Variants in MUC12 observed in about 807,000 individuals in gnomAD.
MUC12 encodes the protein mucin-12.
In MUC12, 172 loss-of-function variants were observed where a neutral mutation model predicts 230.8. That is an observed-to-expected ratio of 0.75 (90% CI 0.66 to 0.85). The LOEUF is 0.85. Among genes scored for constraint, MUC12 ranks in the 40% least tolerant of loss-of-function variants. The probability of loss-of-function intolerance (pLI) is 0.00; values close to 1 mark genes in which losing one functional copy is unlikely to be tolerated. For missense variants in MUC12, 3,506 were observed against 5,920.6 expected (o/e 0.59, Z 13.38); for synonymous variants, 1,259 against 2,401.9 (o/e 0.52, Z 13.91).
chr7:100,992,914 C>G lies in MUC12; in HGVS notation c.2351C>G (p.Ala784Gly), dbSNP rs1291818674. 2 of 1,537,568 alleles carry G rather than the reference C, an allele frequency of 1.3e-6. No individual in the cohort carries two copies. The highest frequency in any genetic ancestry group is 3.9e-5 in the Admixed American group (2 of 50,952). Reference protein sequence around the residue: ...QDATGTIVLPARSTTSVLLGE... With the variant: ...QDATGTIVLPGRSTTSVLLGE... ...GCAACGGGAACAATAGTCCTACCTG[C>G]CCGCTCCACAACCTCAGTTCTTCTT... Residue 784 changes from alanine to glycine, a missense_variant, in exon 2 of 12, where the codon GCC (alanine) becomes GGC (glycine). Transcript: ENST00000536621.
Position 101,002,900 on chromosome 7 carries a change from T to G in MUC12, c.12337T>G (p.Ser4113Ala), listed in dbSNP as rs111748182. The G allele has an allele frequency of 2.5e-6, 3 of 1,212,638 alleles. No individual in the cohort carries two copies. The African/African-American group carries it at 5.2e-5, about 21-fold the overall frequency. 75.1% of individuals were successfully genotyped at this position (1,212,638 alleles called of 1,614,324 possible). Residue 4113 changes from serine to alanine, a missense_variant, in exon 2 of 12, where the codon TCA becomes GCA. Physicochemically the swap from Ser to Ala is moderately conservative, Grantham distance 99. Transcript: ENST00000536621. ...CACAACCTACCACAGCCGCCCGAGC[T>G]CAACTCCAACAACACACTTTTCTGC... ...VSTTYHSRPS[S>A]TPTTHFSASS...
intron 1 of MUC12, among the ~76,000 whole-genome samples, chr7:100,979,324 T>G (rs1793071755): frequency 1.3e-5 from 2 of 152,178 alleles, no homozygotes; most frequent in Admixed American, 6.5e-5. Flanking sequence ...AGGCAATTTT[T>G]GTTAAGCATT....
At chr7:100,982,522 G>T (rs564333710) in intron 1 of MUC12, among the ~76,000 whole-genome samples, 21 of 151,082 alleles carry the variant, frequency 1.4e-4, no homozygotes, top group Admixed American at 3.3e-4. Flanking sequence ...GTACAGCCCT[G>T]AATTCCTGGG....
intron 1 of MUC12, 37 bp from the exon 2 acceptor site, chr7:100,990,594 A>C (rs1264452626): frequency 6.5e-7 from 1 of 1,536,764 alleles, no homozygotes; most frequent in Admixed American, 2.0e-5. Flanking sequence ...GACAGTCATA[A>C]ATCATAGCAC....
rs746972211 is a variant in MUC12 at position 101,004,415 on chromosome 7, C to T, written c.13852C>T (p.Pro4618Ser). The change falls in exon 2 of 12, where the codon CCT becomes TCT. Residue 4618 changes from proline (P) to serine (S), a missense_variant. Physicochemically the swap from Pro to Ser is moderately conservative, Grantham distance 74 (BLOSUM62 -1). Transcript: ENST00000536621. ...SPGSTQTMHF[P>S]ESSTASGRSE... is the part of the protein sequence containing the mutation. ...GGGCTCAACTCAAACAATGCACTTCCCTGAAAGCTCCACAGCTTCAGGTCG... is the reference window on the plus strand; with the variant it reads ...GGGCTCAACTCAAACAATGCACTTCTCTGAAAGCTCCACAGCTTCAGGTCG... The T allele has an allele frequency of 8.6e-6, 13 of 1,511,646 alleles. No individual in the cohort carries two copies. Among genetic ancestry groups the T allele is most frequent in the Non-Finnish European group, 1.1e-5 (12 of 1,138,524 alleles). 93.6% of individuals were successfully genotyped at this position (1,511,646 alleles called of 1,614,324 possible).
chr7:101,017,592 A>G lies in MUC12; in HGVS notation c.15895A>G (p.Ser5299Gly). ...AIWEDQNLRE[S>G]RFGLENAYNN... ...CCCTACAGACCAGAATCTGAGGGAGAGCAGATTCGGCCTTGAGAACGCCTA... is the reference window on the plus strand; with the variant it reads ...CCCTACAGACCAGAATCTGAGGGAGGGCAGATTCGGCCTTGAGAACGCCTA... The change falls in exon 11 of 12, where the codon AGC becomes GGC. Residue 5299 changes from serine (S) to glycine (G), a missense_variant. Transcript: ENST00000536621. 6.5e-7 allele frequency: 1 copy of G among 1,535,284 alleles called. No individual in the cohort carries two copies. Among genetic ancestry groups the G allele is most frequent in the Non-Finnish European group, 8.7e-7 (1 of 1,145,870 alleles).
chr7:101,018,611 C>T lies in MUC12; in HGVS notation c.15983C>T (p.Pro5328Leu), dbSNP rs765238360. 32 of 1,535,992 alleles carry T rather than the reference C, an allele frequency of 2.1e-5. No homozygotes were observed. In the African/African-American group the frequency reaches 3.4e-4, roughly 16 times the overall value. Residue 5328 changes from proline to leucine, a missense_variant, in exon 12 of 12, where the codon CCG becomes CTG. Transcript: ENST00000536621. ...GTCCCCCAGCTCCACATCCAGAGGC[C>T]GGAGATGGTAGCATCCACTGTGTGA... Reference protein sequence around the residue: ...DSGTELHIQRPEMVASTV With the variant: ...DSGTELHIQRLEMVASTV
chr7:101,017,848 T>C, intron 11 of MUC12, among the ~76,000 whole-genome samples, 185 bp downstream of exon 11: 1 of 74,868 alleles, frequency 1.3e-5, no homozygotes, highest in Non-Finnish European at 2.5e-5. Flanking sequence ...TGGGACCCCT[T>C]CCTTTCCCCC....
At chr7:101,017,290 T>G in intron 10 of MUC12, 1 of 397,642 alleles carries the variant, frequency 2.5e-6, no homozygotes, top group African/African-American at 2.0e-5. Context: ...CACCCCTGAG[T>G]CCAGGGCTGA....
At position 100,991,912 on chromosome 7, in the gene MUC12, C is replaced by T. The variant is rs145648974; in HGVS notation, c.1349C>T (p.Thr450Ile). Residue 450 changes from threonine (T) to isoleucine (I), a missense_variant, in exon 2 of 12, where the codon ACA becomes ATA. Transcript: ENST00000536621. ...SHSSPDAMAT[T>I]VLPAGSTPSV... ...AGCAGCCCAGATGCAATGGCAACAA[C>T]AGTCTTACCTGCCGGCTCTACACCC... is the stretch of plus-strand genomic sequence containing the variant. 8.8e-4 allele frequency: 1,359 copies of T among 1,537,234 alleles called. No homozygotes were observed. The East Asian group carries it at 0.029, about 33-fold the overall frequency.
intron 1 of MUC12, among the ~76,000 whole-genome samples, chr7:100,986,288 C>T (rs1178660107): frequency 6.6e-6 from 1 of 151,984 alleles, no homozygotes; most frequent in Non-Finnish European, 1.5e-5. Flanking sequence ...TCGCTCCAGC[C>T]TAGAAGTTTG....
At chr7:101,010,664 G>A (rs1793828151) in intron 5 of MUC12, among the ~76,000 whole-genome samples, 1 of 152,080 alleles carries the variant, frequency 6.6e-6, no homozygotes, top group Non-Finnish European at 1.5e-5. Context: ...ACAGGCACAT[G>A]TCATCACACC....
chr7:100,969,839 A>C, intron 1 of MUC12, 150 bp downstream of exon 1: 1 of 1,193,104 alleles, frequency 8.4e-7, no homozygotes, highest in Non-Finnish European at 1.2e-6. Flanking sequence ...CTGTGACCTC[A>C]TCTTGCTTTG....
At chr7:101,017,517 GC>G (rs1584850024) in intron 10 of MUC12, 57 bp from the exon 11 acceptor site, 3 of 1,099,918 alleles carry the variant, frequency 2.7e-6, no homozygotes, top group East Asian at 2.6e-5. Flanking sequence ...AATCCCCTCT[GC>G]CCCCTAGTCC....
chr7:100,979,805 G>GTATA (rs61389907), intron 1 of MUC12, among the ~76,000 whole-genome samples: 85 of 150,744 alleles, frequency 5.6e-4, no homozygotes, highest in East Asian at 3.9e-3. Context: ...AAAATAACAT[G>GTATA]TATATATATA....
At position 101,012,344 on chromosome 7, in the gene MUC12, C is replaced by G; in HGVS notation, c.15300C>G (p.Tyr5100Ter). 1 of 1,537,436 alleles carries G rather than the reference C, an allele frequency of 6.5e-7. No homozygotes were observed. The highest frequency in any genetic ancestry group is 2.4e-5 in the East Asian group (1 of 40,918). ...ACGATGTCATCCTGGAGGCAGACTA[C>G]ACTTTAGAGTATGAGGAACTGTTTG... is the stretch of plus-strand genomic sequence containing the variant. Reference protein sequence around the residue: ...VKNDVILEADYTLEYEELFEN... With the variant: ...VKNDVILEAD Residue 5100 changes from tyrosine (Y) to a stop codon, truncating the protein, a stop_gained, in exon 6 of 12, where the codon TAC becomes TAG. Coordinates refer to ENST00000536621, the MANE Select transcript of MUC12 (RefSeq NM_001164462.2). LOFTEE classifies it high-confidence loss of function.
Position 100,993,811 on chromosome 7 carries a change from C to T in MUC12, c.3248C>T (p.Thr1083Ile). 1 of 1,460,950 alleles carries T rather than the reference C, an allele frequency of 6.8e-7. No individual in the cohort carries two copies. The highest frequency in any genetic ancestry group is 9.1e-7 in the Non-Finnish European group (1 of 1,100,594). 90.5% of individuals were successfully genotyped at this position (1,460,950 alleles called of 1,614,324 possible). A position where few individuals can be genotyped will look rare whatever the true frequency, so the allele number is the denominator to read the frequency against. The change falls in exon 2 of 12, where the codon ACT becomes ATT. Residue 1083 changes from threonine (T) to isoleucine (I), a missense_variant. Coordinates refer to ENST00000536621, the MANE Select transcript of MUC12 (RefSeq NM_001164462.2). The stretch of plus-strand genomic sequence containing the variant: ...ACCTCACGCATCAGTCCAGGCTCAA[C>T]TGAAATAACAACGTTACCTGGCAGT... Reference protein sequence around the residue: ...STTSRISPGSTEITTLPGSTT... With the variant: ...STTSRISPGSIEITTLPGSTT...
chr7:100,992,090 T>C lies in MUC12; in HGVS notation c.1527T>C (p.Pro509=), dbSNP rs1477569626. The change falls in exon 2 of 12, where the codon CCT becomes CCC. Residue 509 remains proline, a synonymous_variant. Transcript: ENST00000536621. ...GATCACCAGACACAACACACTTACC[T>C]GCCAGCATGACAAGCTCAGGCGTCA... ...SPRSPDTTHL[P]ASMTSSGVSE... 3.3e-6 allele frequency: 5 copies of C among 1,537,140 alleles called. No individual in the cohort carries two copies. Among genetic ancestry groups the C allele is most frequent in the East Asian group, 2.4e-5 (1 of 40,876 alleles).
chr7:100,972,345 G>A (rs1284786437), intron 1 of MUC12, among the ~76,000 whole-genome samples: 15 of 152,062 alleles, frequency 9.9e-5, no homozygotes, highest in East Asian at 3.8e-4. Context: ...CTCTGCACCC[G>A]CGCCTCTCCT....
Sources: gnomAD v4.1 joint callset for allele counts (sites outside exome capture counted in the v4.1 genomes callset) on GRCh38, gnomAD v4.1.1 for gene constraint, MANE v1.5 for transcripts, NCBI Gene and HGNC (gene_info 2026-07-23, HGNC 2026-07-21) for gene names.